Variants in FAT1 observed in about 807,000 individuals in gnomAD.
FAT1 encodes the protein FAT atypical cadherin 1.
In FAT1, 171 loss-of-function variants were observed where a neutral mutation model predicts 329.8. The ratio of observed to expected loss-of-function variants is 0.52; its 90% confidence interval spans 0.46 to 0.59. The LOEUF is 0.59. FAT1 is among the 20% of genes least tolerant of loss of function. The probability of loss-of-function intolerance (pLI) is 0.00; values close to 1 mark genes in which losing one functional copy is unlikely to be tolerated. For missense variants in FAT1, 5,672 were observed against 5,774.4 expected (o/e 0.98, Z 0.57); for synonymous variants, 2,233 against 2,228.6 (o/e 1.00, Z -0.06).
At chr4:186,675,452 T>C (rs531699369) in intron 2 of FAT1, among the ~76,000 whole-genome samples, 82 of 151,662 alleles carry the variant, frequency 5.4e-4, no homozygotes, top group African/African-American at 1.9e-3. Context: ...GGGCAATAAA[T>C]AAAAAGAAAA....
At chr4:186,712,057 T>C (rs1744987417) in intron 1 of FAT1, among the ~76,000 whole-genome samples, 1 of 152,254 alleles carries the variant, frequency 6.6e-6, no homozygotes, top group African/African-American at 2.4e-5. Flanking sequence ...CAGGATTCTA[T>C]TGCAAGTACT....
At chr4:186,685,898 GTA>G (rs1743433256) in intron 2 of FAT1, among the ~76,000 whole-genome samples, 1 of 152,186 alleles carries the variant, frequency 6.6e-6, no homozygotes. Flanking sequence ...GTGAGAATCT[GTA>G]TAAGGAAATC....
intron 1 of FAT1, among the ~76,000 whole-genome samples, chr4:186,712,287 G>T (rs1264615245): frequency 6.6e-6 from 1 of 152,204 alleles, no homozygotes; most frequent in African/African-American, 2.4e-5. Context: ...ACTGTTAACA[G>T]TGGTAACTTC....
At chr4:186,607,337 G>C (rs1739192259) in intron 16 of FAT1, among the ~76,000 whole-genome samples, 1 of 152,182 alleles carries the variant, frequency 6.6e-6, no homozygotes, top group Non-Finnish European at 1.5e-5. Context: ...ACAGATGAGT[G>C]AATGGATGGA....
intron 3 of FAT1, among the ~76,000 whole-genome samples, chr4:186,661,497 C>T (rs558577000): frequency 1.3e-5 from 2 of 152,156 alleles, no homozygotes; most frequent in African/African-American, 4.8e-5. Flanking sequence ...AGTTTCTCAC[C>T]GCTGAACACG....
chr4:186,601,820 C>T (rs977155052), intron 20 of FAT1: 2 of 159,152 alleles, frequency 1.3e-5, no homozygotes, highest in Admixed American at 1.3e-4. Flanking sequence ...TCAATCTCCA[C>T]AGATGGCAAC....
intron 3 of FAT1, 59 bp downstream of exon 3, chr4:186,663,240 T>G (rs570531697): frequency 7.8e-7 from 1 of 1,284,838 alleles, no homozygotes; most frequent in African/African-American, 1.5e-5. Context: ...AATTCTTACT[T>G]TTCCCCCTAA....
At position 186,603,008 on chromosome 4, in the gene FAT1, C is replaced by G. The variant is rs1738891328; in HGVS notation, c.11377G>C (p.Gly3793Arg). Residue 3793 changes from glycine (G) to arginine (R), a missense_variant, in exon 20 of 27, where the codon GGC becomes CGC. Transcript: ENST00000441802. ...KEGRCPPVHHGCEDDPCPEGS... is the reference protein window; with the variant it reads ...KEGRCPPVHHRCEDDPCPEGS... ...TCAGGGCACGGATCATCTTCACAGC[C>G]ATGGTGGACAGGTGGGCACCTTCCC... The G allele has an allele frequency of 6.8e-6, 11 of 1,613,988 alleles. No homozygotes were observed. The highest frequency in any genetic ancestry group is 9.3e-6 in the Non-Finnish European group (11 of 1,179,890).
At chr4:186,663,740 A>T in intron 2 of FAT1, 127 bp from the exon 3 acceptor site, 1 of 678,132 alleles carries the variant, frequency 1.5e-6, no homozygotes, top group Non-Finnish European at 2.4e-6. Flanking sequence ...AACCTTGAGC[A>T]GGTTAACCAG....
intron 2 of FAT1, among the ~76,000 whole-genome samples, chr4:186,667,122 G>T (rs1742479544): frequency 1.3e-5 from 2 of 152,220 alleles, no homozygotes; most frequent in South Asian, 4.1e-4. Flanking sequence ...TGAAATGGAA[G>T]TATATCACCC....
intron 2 of FAT1, among the ~76,000 whole-genome samples, chr4:186,692,352 G>A (rs147800498): frequency 0.013 from 1,928 of 151,402 alleles, 46 homozygotes; most frequent in African/African-American, 0.044. Context: ...TCGCTCTGTC[G>A]CCCAGGCTGG....
chr4:186,655,360 A>G (rs1741852327), intron 3 of FAT1, among the ~76,000 whole-genome samples: 1 of 152,242 alleles, frequency 6.6e-6, no homozygotes, highest in Non-Finnish European at 1.5e-5. Context: ...GACCAGTGAA[A>G]TGGACAGTGA....
At position 186,621,090 on chromosome 4, in the gene FAT1, T is replaced by C. The variant is rs978761507; in HGVS notation, c.5496A>G (p.Val1832=). The C allele has an allele frequency of 4.3e-6, 7 of 1,613,538 alleles. No individual in the cohort carries two copies. In the African/African-American group the frequency reaches 8.0e-5, roughly 18 times the overall value. Reference sequence around the variant, plus strand: ...TTGTTTCTTCATAGTCCAGACTTAGTACTGTATGAATAGCACCAGTGCTAG... The same window carrying C: ...TTGTTTCTTCATAGTCCAGACTTAGCACTGTATGAATAGCACCAGTGCTAG... ...IDSSTGAIHT[V]LSLDYEETSI... is the part of the protein sequence containing the mutation. Residue 1832 remains valine (V), a synonymous_variant, in exon 10 of 27, where the codon GTA becomes GTG. Coordinates refer to ENST00000441802, the MANE Select transcript of FAT1 (RefSeq NM_005245.4).
At chr4:186,699,786 C>T (rs775772698) in intron 2 of FAT1, among the ~76,000 whole-genome samples, 10 of 151,338 alleles carry the variant, frequency 6.6e-5, no homozygotes, top group South Asian at 4.2e-4. Context: ...TCCAGCCCTA[C>T]GAACTAAAAT....
rs114047006 is a variant in FAT1, at chr4:186,608,255, G to A, written c.10206+928C>T. On this transcript the variant is annotated intron_variant, in intron 16 of 26. Transcript: ENST00000441802. ...GGTGCTCAAGTCCTTGATATAAAATGGTGTAGTATTTGCATATAACCTATA... is the reference window on the plus strand; with the variant it reads ...GGTGCTCAAGTCCTTGATATAAAATAGTGTAGTATTTGCATATAACCTATA... 8.5e-3 allele frequency among the ~76,000 whole-genome samples: 1,293 copies of A among 152,200 alleles called. 19 individuals carry two copies. The highest frequency in any genetic ancestry group is 0.03 in the African/African-American group (1,250 of 41,524).
intron 26 of FAT1, among the ~76,000 whole-genome samples, chr4:186,593,718 A>G (rs1434699578): frequency 6.6e-6 from 1 of 152,148 alleles, no homozygotes; most frequent in African/African-American, 2.4e-5. Flanking sequence ...CCAGGAAAGG[A>G]AGGAAAACAG....
At position 186,588,373 on chromosome 4, in the gene FAT1, CAA is replaced by C; in HGVS notation, c.*217_*218del. 1.8e-6 allele frequency: 1 copy of C among 547,084 alleles called. No individual in the cohort carries two copies. Among genetic ancestry groups the C allele is most frequent in the Non-Finnish European group, 3.2e-6 (1 of 316,668 alleles). The allele number at this position is 547,084 out of a possible 1,614,324, so 33.9% of individuals were successfully genotyped here. A position where few individuals can be genotyped will look rare whatever the true frequency, so the allele number is the denominator to read the frequency against. On this transcript the variant is annotated 3_prime_UTR_variant, in exon 27 of 27. Transcript: ENST00000441802. ...TTTTAACACAGACAGATGTAAATCC[CAA>C]AAGACGTTGGGAAATGGCACAGCCG... is the stretch of plus-strand genomic sequence containing the variant.
In FAT1 at chr4:186,595,316, T is replaced by A. The variant is rs79909097; in HGVS notation, c.13138+373A>T. ...GAGGGGGTGTGTGTGTGTGTGTGTG[T>A]GAGAGAGAGTGTGTGTTTGTGTGCG... On this transcript the variant is annotated intron_variant, in intron 26 of 26. Transcript: ENST00000441802. Among the ~76,000 whole-genome samples, 1,120 of 144,310 alleles carry A rather than the reference T, an allele frequency of 7.8e-3. 13 individuals carry two copies. Among genetic ancestry groups the A allele is most frequent in the African/African-American group, 0.027 (1,006 of 37,564 alleles). The allele number at this position is 144,310 out of a possible 152,430, so 94.7% of individuals were successfully genotyped here. A position where few individuals can be genotyped will look rare whatever the true frequency, so the allele number is the denominator to read the frequency against.
intron 3 of FAT1, among the ~76,000 whole-genome samples, chr4:186,660,598 A>C (rs1742122362): frequency 6.6e-6 from 1 of 152,244 alleles, no homozygotes; most frequent in Non-Finnish European, 1.5e-5. Context: ...CCGCCCTGCC[A>C]GCGGAGTGCC....
Sources: allele counts gnomAD v4.1 joint callset (sites outside exome capture counted in the v4.1 genomes callset), GRCh38; gene constraint gnomAD v4.1.1; transcripts MANE v1.5; gene names NCBI Gene and HGNC (gene_info 2026-07-23, HGNC 2026-07-21).